CAST: variants seen among roughly 807,000 people sequenced by gnomAD.
CAST encodes the protein MIR583 host.
A neutral mutation model predicts 119.6 loss-of-function variants in CAST; 76 were observed. The observed-to-expected ratio is 0.64, with a 90% CI of 0.53 to 0.77. The LOEUF (loss-of-function observed/expected upper bound fraction) is 0.77. CAST is among the 30% of genes least tolerant of loss of function. The probability of loss-of-function intolerance (pLI) is 0.00; values close to 1 mark genes in which losing one functional copy is unlikely to be tolerated. For synonymous variants in CAST, 319 were observed against 331.6 expected (o/e 0.96, Z 0.41); for missense variants, 953 against 946.5 (o/e 1.01, Z -0.09).
chr5:96,364,557 T>C, the CAST span, among the ~76,000 whole-genome samples: 1 of 152,252 alleles, frequency 6.6e-6, no homozygotes, highest in African/African-American at 2.4e-5. Flanking sequence ...CTTGGGAGGA[T>C]GTATGCGTTC....
the CAST span, among the ~76,000 whole-genome samples, chr5:96,155,600 C>A: frequency 3.0e-4 from 45 of 152,232 alleles, no homozygotes; most frequent in African/African-American, 9.9e-4. Context: ...GCCTGGGGCT[C>A]ACACAGCGTC....
intron 3 of CAST, among the ~76,000 whole-genome samples, chr5:96,704,785 A>T (rs1263224944): frequency 6.6e-6 from 1 of 152,228 alleles, no homozygotes; most frequent in Non-Finnish European, 1.5e-5. Flanking sequence ...TCTGCTTACT[A>T]GAAAATTACA....
rs59338324 is a variant in CAST, at chr5:96,765,327, T to TAAAAAAAAAAAA, written c.2037+17_2037+28dup. 1 of 457,942 alleles carries TAAAAAAAAAAAA rather than the reference T, an allele frequency of 2.2e-6. No individual in the cohort carries two copies. The highest frequency in any genetic ancestry group is 3.5e-6 in the Non-Finnish European group (1 of 285,972). The allele number at this position is 457,942 out of a possible 1,614,324, so 28.4% of individuals were successfully genotyped here. On this transcript the variant is annotated splice_region_variant and intron_variant, in intron 26 of 31. Transcript: ENST00000675179. The stretch of plus-strand genomic sequence containing the variant: ...AAACCAATGGAAGATAAAGTAAAGG[T>TAAAAAAAAAAAA]AAAAAAAAAAAAAAAAAAAAAAAAA...
chr5:96,409,088 T>G, the CAST span, among the ~76,000 whole-genome samples: 1 of 152,218 alleles, frequency 6.6e-6, no homozygotes, highest in African/African-American at 2.4e-5. Context: ...CATAATTTTC[T>G]TGCAAGTAAG....
chr5:96,073,805 A>G, the CAST span, among the ~76,000 whole-genome samples: 9 of 152,284 alleles, frequency 5.9e-5, no homozygotes, highest in East Asian at 1.5e-3. Context: ...CTAACAGCTC[A>G]TGGACCACTA....
intron 1 of CAST, among the ~76,000 whole-genome samples, chr5:96,616,753 TACACACACACACACACACACACAC>T (rs377159898): frequency 7.6e-6 from 1 of 130,738 alleles, no homozygotes; most frequent in African/African-American, 2.8e-5. Flanking sequence ...TCTATATATA[TACACACACACACACACACACACAC>T]ACACACACAC....
intron 9 of CAST, among the ~76,000 whole-genome samples, chr5:96,735,483 A>G (rs1212805412): frequency 6.6e-6 from 1 of 152,244 alleles, no homozygotes; most frequent in Non-Finnish European, 1.5e-5. Flanking sequence ...AGCACAGGGC[A>G]GAAATGTGCA....
At chr5:96,637,543 G>A (rs868368834) in intron 1 of CAST, among the ~76,000 whole-genome samples, 3 of 152,256 alleles carry the variant, frequency 2.0e-5, no homozygotes, top group Middle Eastern at 3.4e-3. Flanking sequence ...AGAAATTCAA[G>A]CACCCGAAAG....
chr5:96,245,621 G>GAA, the CAST span, among the ~76,000 whole-genome samples: 11 of 127,534 alleles, frequency 8.6e-5, no homozygotes, highest in Non-Finnish European at 8.7e-5. Context: ...CTGTGTAATG[G>GAA]AAAAAAAAAA....
the CAST span, among the ~76,000 whole-genome samples, chr5:96,510,830 CA>C: frequency 6.6e-6 from 1 of 151,594 alleles, no homozygotes; most frequent in African/African-American, 2.4e-5. Context: ...ATATTCTATC[CA>C]AAAAAAGGGG....
chr5:96,208,693 G>A, the CAST span, among the ~76,000 whole-genome samples: 1 of 151,628 alleles, frequency 6.6e-6, no homozygotes, highest in African/African-American at 2.4e-5. Context: ...CTGAGAGTGT[G>A]TTTGGTATGA....
the CAST span, among the ~76,000 whole-genome samples, chr5:96,316,133 T>C: frequency 5.3e-5 from 8 of 152,324 alleles, no homozygotes; most frequent in Non-Finnish European, 1.0e-4. Flanking sequence ...CTTTGTAACA[T>C]AGTAATAGGT....
At chr5:96,297,015 A>G in the CAST span, among the ~76,000 whole-genome samples, 1 of 149,018 alleles carries the variant, frequency 6.7e-6, no homozygotes, top group African/African-American at 2.5e-5. Context: ...GGTGTCAGTT[A>G]TAAAATCATA....
rs1236861190 is a variant in CAST, at chr5:96,662,399, GGCAGCGGCC to G, written c.-14_-6del. ...CCACTCTCCGCGGCGCATTCCGGGA[GGCAGCGGCC>G]GCAGCGGCCTCGCCATGTCCCAGCC... On this transcript the variant is annotated 5_prime_UTR_variant, in exon 1 of 32. Transcript: ENST00000675179. 3.6e-6 allele frequency: 5 copies of G among 1,392,342 alleles called. No individual in the cohort carries two copies. The African/African-American group carries it at 6.6e-5, about 18-fold the overall frequency. 86.2% of individuals were successfully genotyped at this position (1,392,342 alleles called of 1,614,324 possible). A position where few individuals can be genotyped will look rare whatever the true frequency, so the allele number is the denominator to read the frequency against.
the CAST span, among the ~76,000 whole-genome samples, chr5:96,453,091 T>C: frequency 6.6e-6 from 1 of 152,110 alleles, no homozygotes; most frequent in African/African-American, 2.4e-5. Flanking sequence ...AATCTGTTTA[T>C]TTCAGTTAAG....
intron 2 of CAST, among the ~76,000 whole-genome samples, chr5:96,681,281 T>C (rs1346460437): frequency 6.6e-6 from 1 of 152,210 alleles, no homozygotes; most frequent in African/African-American, 2.4e-5. Context: ...TGGGTCACAG[T>C]TTTGTTCCTC....
the CAST span, among the ~76,000 whole-genome samples, chr5:96,170,949 C>T: frequency 2.0e-5 from 3 of 152,088 alleles, no homozygotes; most frequent in African/African-American, 7.2e-5. Flanking sequence ...GAACCTGGCT[C>T]GGCCTGGCGA....
In CAST at chr5:96,729,176, A is replaced by G. The variant is rs1233025699; in HGVS notation, c.402A>G (p.Lys134=). ...AGCTGTCTGTGGTTCATGAGAAAAA[A>G]TCCCAAGAAGGAAAGCCAAAAGAAC... is the stretch of plus-strand genomic sequence containing the variant. ...STKLSVVHEK[K]SQEGKPKEHT... is the part of the protein sequence containing the mutation. Residue 134 remains lysine (K), a synonymous_variant, in exon 7 of 32, where the codon AAA becomes AAG. Transcript: ENST00000675179. 1.6e-5 allele frequency: 26 copies of G among 1,602,944 alleles called. No individual in the cohort carries two copies. Among genetic ancestry groups the G allele is most frequent in the Non-Finnish European group, 2.2e-5 (26 of 1,170,786 alleles).
At chr5:95,987,945 A>G in the CAST span, among the ~76,000 whole-genome samples, 1 of 152,356 alleles carries the variant, frequency 6.6e-6, no homozygotes, top group East Asian at 1.9e-4. Context: ...TGTTTCCTTC[A>G]TTGCAGAAAG....
Sources: gnomAD v4.1 joint callset for allele counts (sites outside exome capture counted in the v4.1 genomes callset) on GRCh38, gnomAD v4.1.1 for gene constraint, MANE v1.5 for transcripts, NCBI Gene and HGNC (gene_info 2026-07-23, HGNC 2026-07-21) for gene names.